TRAPPC9: variants seen among roughly 807,000 people sequenced by gnomAD.
TRAPPC9 encodes trafficking protein particle complex subunit 9.
TRAPPC9 carries 83 observed loss-of-function variants against 124.0 expected under a neutral mutation model. The ratio of observed to expected loss-of-function variants is 0.67; its 90% confidence interval spans 0.56 to 0.80. The LOEUF (loss-of-function observed/expected upper bound fraction) is 0.80, where lower values mean the gene tolerates loss of function less well. Among genes scored for constraint, TRAPPC9 ranks in the 30% least tolerant of loss-of-function variants. The probability of loss-of-function intolerance (pLI) is 0.00; values close to 1 mark genes in which losing one functional copy is unlikely to be tolerated. For missense variants in TRAPPC9, 1,302 were observed against 1,508.3 expected (o/e 0.86, Z 2.27); for synonymous variants, 638 against 617.5 (o/e 1.03, Z -0.49).
chr8:140,032,202 A>G (rs1840539898), intron 17 of TRAPPC9, among the ~76,000 whole-genome samples: 2 of 152,238 alleles, frequency 1.3e-5, no homozygotes, highest in South Asian at 4.1e-4. Context: ...CTTTGTCGAT[A>G]AGAAGTGTAT....
At chr8:140,452,376 C>T (rs1289458109) in intron 1 of TRAPPC9, among the ~76,000 whole-genome samples, 11 of 146,076 alleles carry the variant, frequency 7.5e-5, no homozygotes, top group African/African-American at 5.1e-5. Flanking sequence ...GCCCAGATGG[C>T]GCCACTGCAC....
At chr8:140,444,211 C>CA (rs35984317) in intron 2 of TRAPPC9, among the ~76,000 whole-genome samples, 9,890 of 66,324 alleles carry the variant, frequency 0.15, 460 homozygotes, top group Middle Eastern at 0.19. Context: ...GACTCTGTCT[C>CA]AAAAAAAAAA....
intron 9 of TRAPPC9, among the ~76,000 whole-genome samples, chr8:140,314,961 G>A (rs78117020): frequency 0.024 from 3,591 of 152,274 alleles, 133 homozygotes; most frequent in African/African-American, 0.077. Context: ...GCTCAGTAGC[G>A]GAATGGAAGA....
At position 140,445,583 on chromosome 8, in the gene TRAPPC9, G is replaced by A. The variant is rs187448827; in HGVS notation, c.584+5207C>T. ...CCCATGGATCCTGGGAGCCAGTGGC[G>A]GCAGAAAAGGCCCACAACCCAGGGT... On this transcript the variant is annotated intron_variant, in intron 2 of 22. Transcript: ENST00000438773. Among the ~76,000 whole-genome samples, 89 of 152,292 alleles carry A rather than the reference G, an allele frequency of 5.8e-4. No individual in the cohort carries two copies. The East Asian group carries it at 0.015, about 25-fold the overall frequency.
intron 11 of TRAPPC9, among the ~76,000 whole-genome samples, chr8:140,298,308 T>TA: frequency 6.6e-6 from 1 of 152,182 alleles, no homozygotes; most frequent in Non-Finnish European, 1.5e-5. Flanking sequence ...ATGAGACCCT[T>TA]ACAGAAGCTA....
At chr8:139,911,860 CAAGAT>C (rs1831755602) in intron 19 of TRAPPC9, among the ~76,000 whole-genome samples, 2 of 151,808 alleles carry the variant, frequency 1.3e-5, no homozygotes, top group Admixed American at 1.3e-4. Flanking sequence ...GATATAAAGA[CAAGAT>C]AAGACCCAAA....
chr8:140,356,853 G>A (rs754130764), intron 9 of TRAPPC9, among the ~76,000 whole-genome samples: 6 of 151,978 alleles, frequency 3.9e-5, no homozygotes, highest in Admixed American at 6.6e-5. Flanking sequence ...CAGGTGATCC[G>A]CCCGTCTCAC....
intron 21 of TRAPPC9, among the ~76,000 whole-genome samples, chr8:139,849,205 T>C (rs548023621): frequency 6.6e-6 from 1 of 152,312 alleles, no homozygotes; most frequent in East Asian, 1.9e-4. Context: ...AAAAGCCCAC[T>C]TAGAGGGCCA....
At chr8:140,100,541 T>G (rs1027866207) in intron 17 of TRAPPC9, 1 of 152,272 alleles carries the variant, frequency 6.6e-6, no homozygotes, top group Non-Finnish European at 1.5e-5. Context: ...CCGCTGCGGC[T>G]CTGGCGCAGA....
intron 17 of TRAPPC9, among the ~76,000 whole-genome samples, chr8:140,131,625 C>A (rs2061210872): frequency 6.6e-6 from 1 of 152,166 alleles, no homozygotes; most frequent in African/African-American, 2.4e-5. Context: ...ACAACCCTGC[C>A]ACCGAAAAAT....
intron 18 of TRAPPC9, among the ~76,000 whole-genome samples, chr8:139,992,114 C>T (rs1837688157): frequency 6.6e-6 from 1 of 151,914 alleles, no homozygotes. Flanking sequence ...ACAATCAATC[C>T]CAGTCATACA....
chr8:140,410,287 G>A (rs1290091424), intron 5 of TRAPPC9, among the ~76,000 whole-genome samples: 1 of 152,002 alleles, frequency 6.6e-6, no homozygotes, highest in Non-Finnish European at 1.5e-5. Flanking sequence ...TGTAAGCCCT[G>A]CCCTTTAGGA....
intron 21 of TRAPPC9, among the ~76,000 whole-genome samples, chr8:139,801,067 G>C (rs1303603093): frequency 7.9e-6 from 1 of 126,264 alleles, no homozygotes; most frequent in African/African-American, 5.2e-5. Flanking sequence ...CCTCCCTCCA[G>C]TATCTTCCCT....
Position 140,307,037 on chromosome 8 carries a change from T to C in TRAPPC9, c.1622+4211A>G, listed in dbSNP as rs553785699. ...TTAGGGGAACTACACACGGTCTCCT[T>C]GCAGCCATGTGGTTTGCAGGGACTC... On this transcript the variant is annotated intron_variant, in intron 10 of 22. Transcript: ENST00000438773. Among the ~76,000 whole-genome samples the C allele has an allele frequency of 1.1e-4, 16 of 152,288 alleles. No individual in the cohort carries two copies. In the South Asian group the frequency reaches 3.3e-3, roughly 32 times the overall value.
chr8:139,912,409 C>T (rs746462878), intron 19 of TRAPPC9, among the ~76,000 whole-genome samples: 1 of 146,438 alleles, frequency 6.8e-6, no homozygotes, highest in African/African-American at 2.6e-5. Flanking sequence ...GGACTCTCAG[C>T]TCTTTTCCAA....
At chr8:139,853,784 C>T (rs1170116572) in intron 21 of TRAPPC9, among the ~76,000 whole-genome samples, 1 of 152,182 alleles carries the variant, frequency 6.6e-6, no homozygotes, top group Non-Finnish European at 1.5e-5. Context: ...AGAGCCGGGA[C>T]AGAGGCCTCT....
chr8:140,184,421 T>A (rs555373453), intron 17 of TRAPPC9, among the ~76,000 whole-genome samples: 1 of 152,304 alleles, frequency 6.6e-6, no homozygotes, highest in South Asian at 2.1e-4. Flanking sequence ...ATTAGCTATC[T>A]CTTAAATACC....
At chr8:140,249,597 C>CT (rs35511380) in intron 16 of TRAPPC9, among the ~76,000 whole-genome samples, 2,813 of 81,966 alleles carry the variant, frequency 0.034, 111 homozygotes, top group Middle Eastern at 0.047. Flanking sequence ...ATCTTTCACT[C>CT]TTTTTTTTTT....
At chr8:140,147,516 C>T (rs982244537) in intron 17 of TRAPPC9, among the ~76,000 whole-genome samples, 7 of 152,180 alleles carry the variant, frequency 4.6e-5, no homozygotes, top group African/African-American at 1.7e-4. Flanking sequence ...TGTTTCAATG[C>T]CTTTCTCATA....
Sources: gnomAD v4.1 joint callset for allele counts (sites outside exome capture counted in the v4.1 genomes callset) on GRCh38, gnomAD v4.1.1 for gene constraint, MANE v1.5 for transcripts, NCBI Gene and HGNC (gene_info 2026-07-23, HGNC 2026-07-21) for gene names.